Variants in PPP1R13B observed in about 807,000 individuals in gnomAD.
PPP1R13B encodes apoptosis-stimulating of p53 protein 1.
Under a neutral mutation model 119.8 loss-of-function variants are expected in PPP1R13B, and 44 were observed. The ratio of observed to expected loss-of-function variants is 0.37; its 90% confidence interval spans 0.29 to 0.47. The LOEUF (loss-of-function observed/expected upper bound fraction) is 0.47, where lower values mean the gene tolerates loss of function less well. PPP1R13B is among the 20% of genes least tolerant of loss of function. The pLI, the probability that PPP1R13B is intolerant of heterozygous loss-of-function variation, is 0.99. For missense variants in PPP1R13B, 1,227 were observed against 1,413.5 expected, an observed-to-expected ratio of 0.87 and a Z score of 2.12; for synonymous variants, 542 against 561.5, an observed-to-expected ratio of 0.97 and a Z score of 0.49.
intron 12 of PPP1R13B, chr14:103,739,240 G>A: frequency 1.7e-6 from 1 of 572,038 alleles, no homozygotes; most frequent in Non-Finnish European, 3.0e-6. Context: ...TGAGGCCTGA[G>A]TCCCTGGCTC....
intron 4 of PPP1R13B, among the ~76,000 whole-genome samples, chr14:103,775,455 AG>A (rs1406509968): frequency 1.3e-5 from 2 of 151,980 alleles, no homozygotes; most frequent in Non-Finnish European, 2.9e-5. Context: ...TTGTATCTTT[AG>A]TAGAGAGAGG....
Position 103,746,946 on chromosome 14 carries a change from T to G in PPP1R13B, c.970-393A>C, listed in dbSNP as rs560560095. 4 of 157,592 alleles carry G rather than the reference T, an allele frequency of 2.5e-5. No individual in the cohort carries two copies. The South Asian group carries it at 7.9e-4, about 31-fold the overall frequency. The allele number at this position is 157,592 out of a possible 1,614,324, so 9.8% of individuals were successfully genotyped here. A position where few individuals can be genotyped will look rare whatever the true frequency, so the allele number is the denominator to read the frequency against. On this transcript the variant is annotated intron_variant, in intron 8 of 16. Coordinates refer to ENST00000202556, the MANE Select transcript of PPP1R13B (RefSeq NM_015316.3). ...TCTGTGACTTACTCGCTGTGCTGCT[T>G]CGGGCAGGTGACTCAGCCTCTGTGC...
chr14:103,786,766 C>CAAAAAAAA (rs1174732049), intron 2 of PPP1R13B, among the ~76,000 whole-genome samples: 563 of 44,586 alleles, frequency 0.013, 89 homozygotes, highest in African/African-American at 0.048. Flanking sequence ...AACTCTGTCT[C>CAAAAAAAA]AAAAAAAAAA....
At chr14:103,799,617 GT>G (rs397762490) in intron 1 of PPP1R13B, among the ~76,000 whole-genome samples, 90 of 141,088 alleles carry the variant, frequency 6.4e-4, no homozygotes, top group South Asian at 1.1e-3. Flanking sequence ...CGGGTTTTTT[GT>G]TTTTTTTTTT....
chr14:103,810,548 C>T (rs768051581), intron 1 of PPP1R13B, among the ~76,000 whole-genome samples: 59 of 150,158 alleles, frequency 3.9e-4, no homozygotes, highest in Non-Finnish European at 7.3e-4. Flanking sequence ...CCAAGGCAGG[C>T]GGATCATGAG....
At chr14:103,771,250 C>T (rs1386794805) in intron 4 of PPP1R13B, among the ~76,000 whole-genome samples, 2 of 152,058 alleles carry the variant, frequency 1.3e-5, no homozygotes, top group African/African-American at 2.4e-5. Context: ...TCAGGAAAGG[C>T]CTGACTTTAT....
intron 4 of PPP1R13B, chr14:103,763,849 G>C (rs2084872985): frequency 6.6e-6 from 1 of 152,220 alleles, no homozygotes; most frequent in South Asian, 2.1e-4. Flanking sequence ...TCTGCTTTCT[G>C]TCTCTAGACT....
intron 1 of PPP1R13B, among the ~76,000 whole-genome samples, chr14:103,844,408 C>T (rs1439554077): frequency 6.6e-6 from 1 of 152,104 alleles, no homozygotes; most frequent in African/African-American, 2.4e-5. Flanking sequence ...AGAGACTGGG[C>T]ACTGTAGTAC....
intron 2 of PPP1R13B, 41 bp downstream of exon 2, chr14:103,797,330 A>G: frequency 6.5e-7 from 1 of 1,530,434 alleles, no homozygotes; most frequent in Non-Finnish European, 8.8e-7. Context: ...TGGTGATTTG[A>G]TTTTATCAAT....
At chr14:103,783,927 A>C (rs1243202078) in intron 3 of PPP1R13B, among the ~76,000 whole-genome samples, 2 of 152,232 alleles carry the variant, frequency 1.3e-5, no homozygotes, top group African/African-American at 2.4e-5. Flanking sequence ...TGTTCACTTC[A>C]AAAATAAAAG....
intron 1 of PPP1R13B, among the ~76,000 whole-genome samples, chr14:103,814,151 C>A (rs2086222758): frequency 6.6e-6 from 1 of 152,072 alleles, no homozygotes; most frequent in Admixed American, 6.6e-5. Context: ...GAGTTCACGA[C>A]CAGCCTGGCC....
rs1441649195 is a variant in PPP1R13B at position 103,847,567 on chromosome 14, C to G, written c.-260G>C. 1.5e-5 allele frequency: 15 copies of G among 984,998 alleles called. No homozygotes were observed. The highest frequency in any genetic ancestry group is 4.5e-5 in the South Asian group (1 of 22,076). 61.0% of individuals were successfully genotyped at this position (984,998 alleles called of 1,614,324 possible). A position where few individuals can be genotyped will look rare whatever the true frequency, so the allele number is the denominator to read the frequency against. ...CTCAGCCTCAGCCTCAGCCCCAGCC[C>G]GACAGCCTGCGGCCCGCCCGCCCGG... On this transcript the variant is annotated 5_prime_UTR_variant, in exon 1 of 17. Coordinates refer to ENST00000202556, the MANE Select transcript of PPP1R13B (RefSeq NM_015316.3).
chr14:103,781,706 T>C (rs1249499714), intron 3 of PPP1R13B, among the ~76,000 whole-genome samples: 6 of 151,344 alleles, frequency 4.0e-5, no homozygotes, highest in South Asian at 4.2e-4. Context: ...GGCTGGAGTG[T>C]AGTGGCGCGA....
At chr14:103,843,192 T>C (rs1217240692) in intron 1 of PPP1R13B, among the ~76,000 whole-genome samples, 1 of 151,184 alleles carries the variant, frequency 6.6e-6, no homozygotes, top group East Asian at 2.0e-4. Context: ...GCCAACATGG[T>C]GAAACCCTGT....
At chr14:103,756,879 C>T (rs565179846) in intron 5 of PPP1R13B, among the ~76,000 whole-genome samples, 2 of 152,106 alleles carry the variant, frequency 1.3e-5, no homozygotes, top group South Asian at 4.1e-4. Context: ...CCGCCTGAGC[C>T]TCCCGAGTAG....
At chr14:103,783,755 T>A (rs1034948691) in intron 3 of PPP1R13B, among the ~76,000 whole-genome samples, 2 of 152,186 alleles carry the variant, frequency 1.3e-5, no homozygotes, top group African/African-American at 4.8e-5. Flanking sequence ...TTTGCCATGC[T>A]TCCCAGGATG....
chr14:103,841,177 C>T (rs1235150750), intron 1 of PPP1R13B, among the ~76,000 whole-genome samples: 1 of 151,670 alleles, frequency 6.6e-6, no homozygotes, highest in Non-Finnish European at 1.5e-5. Flanking sequence ...CCCAGCTACT[C>T]GGGAGGCTGA....
At chr14:103,789,547 G>C (rs2085562901) in intron 2 of PPP1R13B, among the ~76,000 whole-genome samples, 1 of 149,908 alleles carries the variant, frequency 6.7e-6, no homozygotes, top group African/African-American at 2.5e-5. Flanking sequence ...GAGTCTTACT[G>C]TGTCGTGCCC....
In PPP1R13B at chr14:103,740,806, G is replaced by A. The variant is rs776311925; in HGVS notation, c.1823-213C>T. Reference sequence around the variant, plus strand: ...AGGTGCAGTGCCTCTCTAATGTGTCGGTTTTTACATTTGGGTTTCCAGAAC... The same window carrying A: ...AGGTGCAGTGCCTCTCTAATGTGTCAGTTTTTACATTTGGGTTTCCAGAAC... On this transcript the variant is annotated intron_variant, in intron 11 of 16. Coordinates refer to ENST00000202556, the MANE Select transcript of PPP1R13B (RefSeq NM_015316.3). The surrounding 1 kb of genome is among the most constrained non-coding windows in gnomAD (Gnocchi z 4.6). Among the ~76,000 whole-genome samples the A allele has an allele frequency of 5.3e-5, 8 of 152,150 alleles. No individual in the cohort carries two copies. Among genetic ancestry groups the A allele is most frequent in the Non-Finnish European group, 4.4e-5 (3 of 68,016 alleles).
Sources: allele counts gnomAD v4.1 joint callset (sites outside exome capture counted in the v4.1 genomes callset), GRCh38; gene constraint gnomAD v4.1.1; non-coding constraint Gnocchi (gnomAD v3.1); transcripts MANE v1.5; gene names NCBI Gene and HGNC (gene_info 2026-07-23, HGNC 2026-07-21).